TMEM269: variants seen among roughly 807,000 people sequenced by gnomAD.
TMEM269 encodes transmembrane protein 269.
A neutral mutation model predicts 15.8 loss-of-function variants in TMEM269; 12 were observed. That is an observed-to-expected ratio of 0.76 (90% CI 0.49 to 1.23). The LOEUF is 1.23. Among genes scored for constraint, TMEM269 ranks in the 50% most tolerant of loss-of-function variants. The pLI, the probability that TMEM269 is intolerant of heterozygous loss-of-function variation, is 0.00. For synonymous variants in TMEM269, 93 were observed against 99.3 expected (o/e 0.94, Z 0.38); for missense variants, 211 against 245.4 (o/e 0.86, Z 0.94).
At position 42,793,635 on chromosome 1, in the gene TMEM269, C is replaced by T; in HGVS notation, c.174C>T (p.Thr58=). 6.4e-7 allele frequency: 1 copy of T among 1,550,508 alleles called. No individual in the cohort carries two copies. The change falls in exon 4 of 6, where the codon ACC becomes ACT. Residue 58 remains threonine (T), a synonymous_variant. Coordinates refer to ENST00000637012, the MANE Select transcript of TMEM269 (RefSeq NM_001354602.2). ...AELNDFAVFT[T]FGLASALLLG... is the part of the protein sequence containing the mutation. ...TGAATGACTTTGCCGTCTTCACCAC[C>T]TTCGGCTTGGCCTCCGCTCTGCTCC...
Position 42,797,049 on chromosome 1 carries a change from A to G in TMEM269, c.485-1049A>G, listed in dbSNP as rs1653801446. Among the ~76,000 whole-genome samples, 1 of 152,096 alleles carries G rather than the reference A, an allele frequency of 6.6e-6. No individual in the cohort carries two copies. The highest frequency in any genetic ancestry group is 2.4e-5 in the African/African-American group (1 of 41,424). On this transcript the variant is annotated intron_variant, in intron 5 of 5. Transcript: ENST00000637012. This position sits in a 1 kb window ranked among gnomAD's most constrained non-coding sequence, Gnocchi z 4.9. ...TGAAAAACAGACTTAGTTCTAAACC[A>G]CGGGATTATTGTGAAGTGTAAATGA...
At chr1:42,793,850 G>A in intron 4 of TMEM269, 106 bp downstream of exon 4, 2 of 1,317,480 alleles carry the variant, frequency 1.5e-6, no homozygotes, top group Non-Finnish European at 2.0e-6. Context: ...CTTTTTTGGA[G>A]CTCCTCTTCC....
chr1:42,796,019 A>T (rs1239039733), intron 5 of TMEM269, among the ~76,000 whole-genome samples: 2 of 152,184 alleles, frequency 1.3e-5, no homozygotes, highest in Admixed American at 1.3e-4. Flanking sequence ...CCAAGCTCTA[A>T]CTCTAGCACA....
intron 1 of TMEM269, among the ~76,000 whole-genome samples, chr1:42,786,623 C>T (rs904761165): frequency 6.6e-6 from 1 of 152,210 alleles, no homozygotes; most frequent in Non-Finnish European, 1.5e-5. Flanking sequence ...AAGCCTCAGC[C>T]CTCGCCCCTC....
rs141668679 is a variant in TMEM269 at position 42,798,430 on chromosome 1, C to A, written c.*205C>A. ...TTTATTCAGGGTTCTGACTCCCTTG[C>A]GGACAATACTTGTTTATGTCATGTA... On this transcript the variant is annotated 3_prime_UTR_variant, in exon 6 of 6. Coordinates refer to ENST00000637012, the MANE Select transcript of TMEM269 (RefSeq NM_001354602.2). The A allele has an allele frequency of 1.3e-3, 772 of 610,880 alleles. 2 individuals carry two copies. The highest frequency in any genetic ancestry group is 1.4e-3 in the Non-Finnish European group (502 of 357,334). The allele number at this position is 610,880 out of a possible 1,614,324, so 37.8% of individuals were successfully genotyped here.
At chr1:42,787,385 G>A (rs533589208) in intron 1 of TMEM269, among the ~76,000 whole-genome samples, 1 of 151,726 alleles carries the variant, frequency 6.6e-6, no homozygotes, top group South Asian at 2.1e-4. Context: ...TGGATCATGA[G>A]GTCAGGAGAT....
chr1:42,793,559 G>T, intron 3 of TMEM269, 42 bp from the exon 4 acceptor site: 1 of 1,529,208 alleles, frequency 6.5e-7, no homozygotes, highest in Non-Finnish European at 8.8e-7. Flanking sequence ...GGTGCAAGAC[G>T]TGGGAGTATA....
chr1:42,793,185 A>G (rs931455962), intron 3 of TMEM269, among the ~76,000 whole-genome samples: 1 of 152,112 alleles, frequency 6.6e-6, no homozygotes, highest in Non-Finnish European at 1.5e-5. Flanking sequence ...CCATCCAGGT[A>G]TTGGAGTGGA....
At chr1:42,793,271 A>T (rs1570505783) in intron 3 of TMEM269, among the ~76,000 whole-genome samples, 1 of 152,224 alleles carries the variant, frequency 6.6e-6, no homozygotes, top group African/African-American at 2.4e-5. Flanking sequence ...CTGGTTTAAA[A>T]TACAGTAAAA....
Position 42,799,163 on chromosome 1 carries a change from G to C in TMEM269, c.*938G>C, listed in dbSNP as rs1040391616. The C allele has an allele frequency of 2.6e-5, 4 of 151,524 alleles. No individual in the cohort carries two copies. The highest frequency in any genetic ancestry group is 2.0e-4 in the Admixed American group (3 of 15,196). 9.4% of individuals were successfully genotyped at this position (151,524 alleles called of 1,614,324 possible). A position where few individuals can be genotyped will look rare whatever the true frequency, so the allele number is the denominator to read the frequency against. Reference sequence around the variant, plus strand: ...ATCTCGTGTGGATTTTCTTTCCTACGCTGGAAACTACTAAACTCTAGCTAT... The same window carrying C: ...ATCTCGTGTGGATTTTCTTTCCTACCCTGGAAACTACTAAACTCTAGCTAT... On this transcript the variant is annotated 3_prime_UTR_variant, in exon 6 of 6. Transcript: ENST00000637012.
At chr1:42,792,391 C>T (rs932063326) in intron 2 of TMEM269, among the ~76,000 whole-genome samples, 3 of 152,134 alleles carry the variant, frequency 2.0e-5, no homozygotes, top group Non-Finnish European at 2.9e-5. Flanking sequence ...CCTCATTTTA[C>T]AGATGGGGGA....
rs945968323 is a variant in TMEM269 at position 42,788,495 on chromosome 1, A to G, written c.-98-1301A>G. Among the ~76,000 whole-genome samples the G allele has an allele frequency of 6.6e-6, 1 of 152,242 alleles. No individual in the cohort carries two copies. Among genetic ancestry groups the G allele is most frequent in the South Asian group, 2.1e-4 (1 of 4,812 alleles). Reference sequence around the variant, plus strand: ...AGGTGTACAAATGTGGTCTTAGAGTAAAAACAGAGACAAGACAGACTGTGA... The same window carrying G: ...AGGTGTACAAATGTGGTCTTAGAGTGAAAACAGAGACAAGACAGACTGTGA... On this transcript the variant is annotated intron_variant, in intron 1 of 5. Coordinates refer to ENST00000637012, the MANE Select transcript of TMEM269 (RefSeq NM_001354602.2). This position sits in a 1 kb window ranked among gnomAD's most constrained non-coding sequence, Gnocchi z 4.0.
At position 42,788,043 on chromosome 1, in the gene TMEM269, A is replaced by G. The variant is rs1380901123; in HGVS notation, c.-98-1753A>G. 1 of 152,314 alleles carries G rather than the reference A, an allele frequency of 6.6e-6. No individual in the cohort carries two copies. Among genetic ancestry groups the G allele is most frequent in the Non-Finnish European group, 1.5e-5 (1 of 68,132 alleles). 9.4% of individuals were successfully genotyped at this position (152,314 alleles called of 1,614,324 possible). On this transcript the variant is annotated intron_variant, in intron 1 of 5. Transcript: ENST00000637012. This position sits in a 1 kb window ranked among gnomAD's most constrained non-coding sequence, Gnocchi z 4.0. ...CTTAGGAATCCCAATGGCTCTGGCC[A>G]TGTAGCTACTGATCACCTTTGGTGA...
chr1:42,786,048 T>G (rs1653537504), intron 1 of TMEM269, among the ~76,000 whole-genome samples: 1 of 152,040 alleles, frequency 6.6e-6, no homozygotes, highest in African/African-American at 2.4e-5. Context: ...TTTTAAAAAA[T>G]GAGTAAGTGG....
chr1:42,793,875 C>T, intron 4 of TMEM269, 131 bp downstream of exon 4: 6 of 1,035,262 alleles, frequency 5.8e-6, no homozygotes, highest in Non-Finnish European at 5.4e-6. Flanking sequence ...TCCTTGCGTG[C>T]CCCATGCCCC....
In TMEM269 at chr1:42,797,788, G is replaced by A. The variant is rs1248851579; in HGVS notation, c.485-310G>A. 1 of 529,686 alleles carries A rather than the reference G, an allele frequency of 1.9e-6. No individual in the cohort carries two copies. The highest frequency in any genetic ancestry group is 5.2e-5 in the East Asian group (1 of 19,256). 32.8% of individuals were successfully genotyped at this position (529,686 alleles called of 1,614,324 possible). A position where few individuals can be genotyped will look rare whatever the true frequency, so the allele number is the denominator to read the frequency against. Reference sequence around the variant, plus strand: ...GGAAGATTTTTTTTTCCTAACAAGGGTTTTTGGTTTTTGTCTTGGTTTGTT... The same window carrying A: ...GGAAGATTTTTTTTTCCTAACAAGGATTTTTGGTTTTTGTCTTGGTTTGTT... On this transcript the variant is annotated intron_variant, in intron 5 of 5. Coordinates refer to ENST00000637012, the MANE Select transcript of TMEM269 (RefSeq NM_001354602.2). This position sits in a 1 kb window ranked among gnomAD's most constrained non-coding sequence, Gnocchi z 4.9.
chr1:42,794,351 G>A (rs1653753718), intron 4 of TMEM269, 62 bp from the exon 5 acceptor site: 1 of 1,283,468 alleles, frequency 7.8e-7, no homozygotes, highest in African/African-American at 1.5e-5. Context: ...AGAGGGGCTT[G>A]CTTCATTTTG....
chr1:42,785,631 A>G (rs1274177327), intron 1 of TMEM269, among the ~76,000 whole-genome samples: 1 of 151,980 alleles, frequency 6.6e-6, no homozygotes, highest in African/African-American at 2.4e-5. Context: ...AGTGCCCGCC[A>G]CGGGCTGCCA....
chr1:42,797,933 T>C lies in TMEM269; in HGVS notation c.485-165T>C. On this transcript the variant is annotated intron_variant, in intron 5 of 5. Transcript: ENST00000637012. This position sits in a 1 kb window ranked among gnomAD's most constrained non-coding sequence, Gnocchi z 4.9. ...ACTTCTCTAGTTACTTACCTATCTC[T>C]ATTAAACTGAACTTGAAGACAGGGC... is the stretch of plus-strand genomic sequence containing the variant. The C allele has an allele frequency of 1.3e-6, 1 of 763,312 alleles. No homozygotes were observed. Among genetic ancestry groups the C allele is most frequent in the Non-Finnish European group, 2.3e-6 (1 of 432,674 alleles). The allele number at this position is 763,312 out of a possible 1,614,324, so 47.3% of individuals were successfully genotyped here.
Sources: gnomAD v4.1 joint callset for allele counts (sites outside exome capture counted in the v4.1 genomes callset) on GRCh38, gnomAD v4.1.1 for gene constraint, Gnocchi (gnomAD v3.1) non-coding constraint, MANE v1.5 for transcripts, NCBI Gene and HGNC (gene_info 2026-07-23, HGNC 2026-07-21) for gene names.